Variants in RBBP6 observed in about 807,000 individuals in gnomAD.
RBBP6 encodes E3 ubiquitin-protein ligase RBBP6.
In RBBP6, 25 loss-of-function variants were observed where a neutral mutation model predicts 167.7. The observed-to-expected ratio is 0.15, with a 90% CI of 0.11 to 0.21. The LOEUF (loss-of-function observed/expected upper bound fraction) is 0.21, where lower values mean the gene tolerates loss of function less well. RBBP6 is among the 10% of genes least tolerant of loss of function. RBBP6 has a pLI of 1.00. For synonymous variants in RBBP6, 789 were observed against 735.8 expected (o/e 1.07, Z -1.17); for missense variants, 1,868 against 2,134.2 (o/e 0.88, Z 2.46).
At chr16:24,558,445 G>A in intron 7 of RBBP6, 1 of 974,780 alleles carries the variant, frequency 1.0e-6, no homozygotes, top group Non-Finnish European at 1.2e-6. Context: ...TTCACAAATT[G>A]GGAACAATGG....
Position 24,542,516 on chromosome 16 carries a change from T to C in RBBP6, c.166+1724T>C, listed in dbSNP as rs535069141. Reference sequence around the variant, plus strand: ...CTCTGTCACCCAGGCTGGAGTGCAGTGGCACCATCTTAGCTCACTGCAACC... The same window carrying C: ...CTCTGTCACCCAGGCTGGAGTGCAGCGGCACCATCTTAGCTCACTGCAACC... On this transcript the variant is annotated intron_variant, in intron 1 of 17. Coordinates refer to ENST00000319715, the MANE Select transcript of RBBP6 (RefSeq NM_006910.5). Among the ~76,000 whole-genome samples the C allele has an allele frequency of 3.3e-5, 5 of 151,922 alleles. No homozygotes were observed. In the East Asian group the frequency reaches 9.7e-4, roughly 29 times the overall value.
intron 3 of RBBP6, among the ~76,000 whole-genome samples, chr16:24,549,591 T>TG (rs756369132): frequency 1.3e-5 from 2 of 152,054 alleles, no homozygotes; most frequent in Non-Finnish European, 2.9e-5. Flanking sequence ...TATTTAGTCT[T>TG]GCTTTATTTG....
chr16:24,571,347 A>C lies in RBBP6; in HGVS notation c.4281A>C (p.Lys1427Asn). 6.2e-7 allele frequency: 1 copy of C among 1,614,170 alleles called. No individual in the cohort carries two copies. Among genetic ancestry groups the C allele is most frequent in the Non-Finnish European group, 8.5e-7 (1 of 1,180,026 alleles). The change falls in exon 18 of 18, where the codon AAA becomes AAC. Residue 1427 changes from lysine (K) to asparagine (N), a missense_variant. Physicochemically the swap from Lys to Asn is moderately conservative, Grantham distance 94. Around this residue, in one of 7 missense-constraint regions of RBBP6, gnomAD observed 591 missense variants for 540.5 expected, o/e 1.09. Coordinates refer to ENST00000319715, the MANE Select transcript of RBBP6 (RefSeq NM_006910.5). ...EKRKNSTQPE[K>N]ESNLDRLNEQ... Reference sequence around the variant, plus strand: ...GGAAGAACAGCACTCAGCCAGAGAAAGAGAGTAATTTGGACCGTCTGAATG... The same window carrying C: ...GGAAGAACAGCACTCAGCCAGAGAACGAGAGTAATTTGGACCGTCTGAATG...
chr16:24,540,912 G>A (rs1369974765), intron 1 of RBBP6, 120 bp downstream of exon 1: 1 of 1,224,470 alleles, frequency 8.2e-7, no homozygotes, highest in South Asian at 1.7e-5. Context: ...CTAGTACTTT[G>A]GATACAACTT....
chr16:24,545,071 C>T (rs1197451142), intron 1 of RBBP6, among the ~76,000 whole-genome samples: 2 of 152,170 alleles, frequency 1.3e-5, no homozygotes, highest in African/African-American at 4.8e-5. Flanking sequence ...TTGTGCTCCA[C>T]ATTGGTGCCA....
At chr16:24,549,442 G>GTT in intron 3 of RBBP6, 20 of 870,334 alleles carry the variant, frequency 2.3e-5, no homozygotes, top group Non-Finnish European at 2.6e-5. Context: ...GTTTTTGTTA[G>GTT]TTTTTTTTTT....
chr16:24,544,307 T>G (rs13331621), intron 1 of RBBP6, among the ~76,000 whole-genome samples: 34,682 of 152,074 alleles, frequency 0.23, 4,374 homozygotes, highest in Admixed American at 0.32. Flanking sequence ...GGGGCTATCA[T>G]GAACTGTCCA....
At chr16:24,540,842 G>C in intron 1 of RBBP6, 50 bp downstream of exon 1, 3 of 1,572,000 alleles carry the variant, frequency 1.9e-6, no homozygotes, top group Non-Finnish European at 2.6e-6. Flanking sequence ...AGAGATACTA[G>C]CTAGAAGGTG....
intron 1 of RBBP6, among the ~76,000 whole-genome samples, chr16:24,545,913 G>C (rs1228522191): frequency 6.6e-6 from 1 of 152,196 alleles, no homozygotes; most frequent in African/African-American, 2.4e-5. Flanking sequence ...GTGTTACTGA[G>C]ATTTGGAGTT....
At chr16:24,558,434 T>C (rs1230158753) in intron 7 of RBBP6, 1 of 982,180 alleles carries the variant, frequency 1.0e-6, no homozygotes, top group Non-Finnish European at 1.2e-6. Context: ...GAGACTCCTC[T>C]TTCACAAATT....
At chr16:24,541,140 G>T (rs1898475385) in intron 1 of RBBP6, among the ~76,000 whole-genome samples, 1 of 144,268 alleles carries the variant, frequency 6.9e-6, no homozygotes. Context: ...TTTCCATCAG[G>T]AGGGCAGGAG....
intron 2 of RBBP6, among the ~76,000 whole-genome samples, chr16:24,548,146 T>C (rs939374003): frequency 6.6e-6 from 1 of 152,198 alleles, no homozygotes; most frequent in African/African-American, 2.4e-5. Flanking sequence ...AAGGCTATAA[T>C]CTAGCAACTC....
chr16:24,567,602 G>A lies in RBBP6; in HGVS notation c.1952+97G>A, dbSNP rs1461665655. The A allele has an allele frequency of 2.8e-6, 4 of 1,408,782 alleles. No homozygotes were observed. The African/African-American group carries it at 5.8e-5, about 21-fold the overall frequency. 87.3% of individuals were successfully genotyped at this position (1,408,782 alleles called of 1,614,324 possible). On this transcript the variant is annotated intron_variant, in intron 15 of 17. Transcript: ENST00000319715. ...AAACGTTTTCCAGTGTTTCCAGTTA[G>A]TATGAGAAATTCACCTAAAATTTAA...
chr16:24,568,149 T>C (rs888413651), intron 16 of RBBP6, among the ~76,000 whole-genome samples: 3 of 152,200 alleles, frequency 2.0e-5, no homozygotes, highest in Admixed American at 6.5e-5. Context: ...TATCAAATAA[T>C]TGGGAAATGT....
chr16:24,540,395 C>T lies in RBBP6; in HGVS notation c.-232C>T, dbSNP rs556901345. On this transcript the variant is annotated 5_prime_UTR_variant, in exon 1 of 18. Coordinates refer to ENST00000319715, the MANE Select transcript of RBBP6 (RefSeq NM_006910.5). ...CGGATTCTCGATTTCCCCTCTTCCCCGTCCTCGTCCTCCTCCTCCCCCATG... is the reference window on the plus strand; with the variant it reads ...CGGATTCTCGATTTCCCCTCTTCCCTGTCCTCGTCCTCCTCCTCCCCCATG... 7 of 418,392 alleles carry T rather than the reference C, an allele frequency of 1.7e-5. No homozygotes were observed. Among genetic ancestry groups the T allele is most frequent in the Admixed American group, 8.2e-5 (2 of 24,478 alleles). 25.9% of individuals were successfully genotyped at this position (418,392 alleles called of 1,614,324 possible). A position where few individuals can be genotyped will look rare whatever the true frequency, so the allele number is the denominator to read the frequency against.
chr16:24,572,585 A>G lies in RBBP6; in HGVS notation c.*140A>G, dbSNP rs1899368686. 4 of 1,227,520 alleles carry G rather than the reference A, an allele frequency of 3.3e-6. No individual in the cohort carries two copies. Among genetic ancestry groups the G allele is most frequent in the Middle Eastern group, 2.9e-4 (1 of 3,474 alleles). 76.0% of individuals were successfully genotyped at this position (1,227,520 alleles called of 1,614,324 possible). A position where few individuals can be genotyped will look rare whatever the true frequency, so the allele number is the denominator to read the frequency against. Reference sequence around the variant, plus strand: ...TAAAATATTGCTGCTTGATTATTTGATTTTTACATCAGAGCTTTATAACAC... The same window carrying G: ...TAAAATATTGCTGCTTGATTATTTGGTTTTTACATCAGAGCTTTATAACAC... On this transcript the variant is annotated 3_prime_UTR_variant, in exon 18 of 18. Transcript: ENST00000319715.
chr16:24,543,987 C>G (rs1039286961), intron 1 of RBBP6, among the ~76,000 whole-genome samples: 4 of 151,998 alleles, frequency 2.6e-5, no homozygotes, highest in African/African-American at 7.3e-5. Context: ...TGAAATACCC[C>G]CAAAGTGTCT....
intron 14 of RBBP6, among the ~76,000 whole-genome samples, chr16:24,565,119 C>T (rs927246915): frequency 6.6e-6 from 1 of 152,154 alleles, no homozygotes; most frequent in African/African-American, 2.4e-5. Context: ...TGTCAGCAAA[C>T]AGCAGAGTAT....
Position 24,571,081 on chromosome 16 carries a change from A to T in RBBP6, c.4015A>T (p.Ile1339Leu). ...AGAAGATGTTAAATCCACACAGCCT[A>T]TATCAAGTGTAGGAAAACCTGCTAG... ...EEEDVKSTQP[I>L]SSVGKPASVI... Residue 1339 changes from isoleucine (I) to leucine (L), a missense_variant, in exon 18 of 18, where the codon ATA (isoleucine) becomes TTA (leucine). By Grantham distance (5) the Ile-to-Leu change is conservative (BLOSUM62 2). This residue lies in a region of RBBP6 where 591 missense variants were observed against 540.5 expected (regional missense o/e 1.09). Transcript: ENST00000319715. The T allele has an allele frequency of 1.2e-6, 2 of 1,612,570 alleles. No individual in the cohort carries two copies. Among genetic ancestry groups the T allele is most frequent in the South Asian group, 2.2e-5 (2 of 90,956 alleles).
Sources: gnomAD v4.1 joint callset for allele counts (sites outside exome capture counted in the v4.1 genomes callset) on GRCh38, gnomAD v4.1.1 for gene constraint, gnomAD v4.1.1 regional missense constraint, MANE v1.5 for transcripts, NCBI Gene and HGNC (gene_info 2026-07-23, HGNC 2026-07-21) for gene names.